Variants in PDE5A observed in about 807,000 individuals in gnomAD.
The protein encoded by PDE5A is phosphodiesterase 5A.
Under a neutral mutation model 110.2 loss-of-function variants are expected in PDE5A, and 67 were observed. That is an observed-to-expected ratio of 0.61 (90% confidence interval 0.50 to 0.75). The LOEUF (loss-of-function observed/expected upper bound fraction) is 0.75. Ranked by LOEUF, PDE5A falls within the 30% of genes least tolerant of loss-of-function variation. PDE5A has a pLI of 0.00. For missense variants in PDE5A, 862 were observed against 1,045.1 expected (o/e 0.82, Z 2.42); for synonymous variants, 328 against 351.2 (o/e 0.93, Z 0.74).
chr4:119,539,551 T>A (rs1726852437), intron 10 of PDE5A, among the ~76,000 whole-genome samples: 1 of 152,022 alleles, frequency 6.6e-6, no homozygotes, highest in South Asian at 2.1e-4. Flanking sequence ...GATTTAAGGA[T>A]CCCTTTACAC....
At chr4:119,581,256 G>T (rs952710844) in intron 3 of PDE5A, among the ~76,000 whole-genome samples, 2 of 151,896 alleles carry the variant, frequency 1.3e-5, no homozygotes, top group Non-Finnish European at 2.9e-5. Context: ...AGGCTGAATA[G>T]AATTTAAAAA....
At chr4:119,539,050 A>G (rs1182632808) in intron 10 of PDE5A, 31 bp from the exon 11 acceptor site, 3 of 1,512,786 alleles carry the variant, frequency 2.0e-6, no homozygotes, top group Non-Finnish European at 2.8e-6. Flanking sequence ...TCCAGGTTAC[A>G]CAGGAGAGAA....
intron 2 of PDE5A, among the ~76,000 whole-genome samples, chr4:119,600,751 A>G (rs1008751781): frequency 3.3e-5 from 5 of 152,204 alleles, no homozygotes; most frequent in Non-Finnish European, 7.3e-5. Flanking sequence ...TCTCTCTTAC[A>G]TTAGAATTTC....
chr4:119,548,044 A>ATTTTTTTTTTTTTTT (rs11438089), intron 9 of PDE5A, among the ~76,000 whole-genome samples: 2 of 94,802 alleles, frequency 2.1e-5, no homozygotes, highest in Admixed American at 1.5e-4. Context: ...TTCTCCGTGT[A>ATTTTTTTTTTTTTTT]TTTTTTTTTT....
chr4:119,621,062 G>T (rs761013684), intron 1 of PDE5A, among the ~76,000 whole-genome samples: 1 of 152,126 alleles, frequency 6.6e-6, no homozygotes, highest in Non-Finnish European at 1.5e-5. Context: ...CATTTTGTTC[G>T]TAATTAACTG....
intron 9 of PDE5A, chr4:119,549,756 A>G (rs1032651752): frequency 5.3e-5 from 8 of 152,230 alleles, no homozygotes; most frequent in Non-Finnish European, 7.4e-5. Context: ...TATTTCCTTA[A>G]AAGTACTGGA....
chr4:119,503,200 A>G lies in PDE5A; in HGVS notation c.2332-545T>C, dbSNP rs984564046. Among the ~76,000 whole-genome samples, 81 of 152,152 alleles carry G rather than the reference A, an allele frequency of 5.3e-4. 3 individuals carry two copies. The highest frequency in any genetic ancestry group is 2.5e-4 in the Non-Finnish European group (17 of 68,038). On this transcript the variant is annotated intron_variant, in intron 18 of 20. Transcript: ENST00000354960. ...GGAAGAGTTACTAGGCTCCCTGACTAAGCAGCCCGGAGTCTTGACCAACAG... is the reference window on the plus strand; with the variant it reads ...GGAAGAGTTACTAGGCTCCCTGACTGAGCAGCCCGGAGTCTTGACCAACAG...
At chr4:119,594,543 A>T (rs1729089642) in intron 3 of PDE5A, among the ~76,000 whole-genome samples, 1 of 152,204 alleles carries the variant, frequency 6.6e-6, no homozygotes, top group South Asian at 2.1e-4. Flanking sequence ...TGATGTCCCA[A>T]ATAATGCATG....
intron 9 of PDE5A, among the ~76,000 whole-genome samples, chr4:119,550,715 A>AG: frequency 6.6e-6 from 1 of 152,340 alleles, no homozygotes; most frequent in South Asian, 2.1e-4. Flanking sequence ...CTTACTAGTA[A>AG]ATAATGCATT....
chr4:119,594,024 C>T (rs1729069612), intron 3 of PDE5A, among the ~76,000 whole-genome samples: 2 of 152,166 alleles, frequency 1.3e-5, no homozygotes, highest in Non-Finnish European at 2.9e-5. Flanking sequence ...TCCACCTGGT[C>T]CCGCCCTTGA....
At chr4:119,534,332 T>A (rs200200092) in intron 11 of PDE5A, among the ~76,000 whole-genome samples, 1 of 42,402 alleles carries the variant, frequency 2.4e-5, no homozygotes, top group Non-Finnish European at 5.7e-5. Flanking sequence ...AATTACTGCC[T>A]GAGCTCTGCC....
At chr4:119,518,982 T>C (rs1578737528) in intron 14 of PDE5A, 63 bp downstream of exon 14, 1 of 1,199,614 alleles carries the variant, frequency 8.3e-7, no homozygotes, top group African/African-American at 1.5e-5. Context: ...TGGCTTTAAC[T>C]TAAAAAAAGA....
intron 3 of PDE5A, among the ~76,000 whole-genome samples, chr4:119,575,116 T>C (rs1728285448): frequency 6.6e-6 from 1 of 152,020 alleles, no homozygotes; most frequent in African/African-American, 2.4e-5. Flanking sequence ...TGAAATGAAG[T>C]GAGAAGAGAC....
At chr4:119,558,877 A>G (rs1727635736) in intron 7 of PDE5A, among the ~76,000 whole-genome samples, 1 of 138,678 alleles carries the variant, frequency 7.2e-6, no homozygotes, top group Admixed American at 8.1e-5. Flanking sequence ...AGATCCCGCC[A>G]CTGCACTCCA....
chr4:119,530,265 AT>A (rs967729908), intron 11 of PDE5A, among the ~76,000 whole-genome samples: 4 of 152,112 alleles, frequency 2.6e-5, no homozygotes, highest in Admixed American at 2.6e-4. Flanking sequence ...TGGGCTTTAA[AT>A]TTTTGGCTCA....
At chr4:119,554,249 CT>C (rs551460671) in intron 7 of PDE5A, among the ~76,000 whole-genome samples, 263 of 152,230 alleles carry the variant, frequency 1.7e-3, no homozygotes, top group African/African-American at 5.8e-3. Context: ...CTCCTTCTGT[CT>C]TTTTGTCGTG....
Position 119,584,807 on chromosome 4 carries a change from T to C in PDE5A, c.831+11716A>G, listed in dbSNP as rs370687299. ...TGGATGCTCAAACAGTGTAGCAAAG[T>C]AATAGACATATTCCCTCTGCTCTCA... On this transcript the variant is annotated intron_variant, in intron 3 of 20. Coordinates refer to ENST00000354960, the MANE Select transcript of PDE5A (RefSeq NM_001083.4). 8.5e-5 allele frequency among the ~76,000 whole-genome samples: 13 copies of C among 152,264 alleles called. No individual in the cohort carries two copies. The East Asian group carries it at 2.5e-3, about 29-fold the overall frequency.
At chr4:119,563,635 T>G (rs1357594064) in intron 5 of PDE5A, among the ~76,000 whole-genome samples, 2 of 152,148 alleles carry the variant, frequency 1.3e-5, no homozygotes, top group African/African-American at 4.8e-5. Flanking sequence ...AGTGGTATAC[T>G]GAAAGTTTTG....
intron 11 of PDE5A, among the ~76,000 whole-genome samples, chr4:119,530,942 T>C (rs1726510326): frequency 6.6e-6 from 1 of 152,138 alleles, no homozygotes; most frequent in African/African-American, 2.4e-5. Context: ...TCTTCTTTCA[T>C]CTGCACAACA....
Sources: gnomAD v4.1 joint callset for allele counts (sites outside exome capture counted in the v4.1 genomes callset) on GRCh38, gnomAD v4.1.1 for gene constraint, MANE v1.5 for transcripts, NCBI Gene and HGNC (gene_info 2026-07-23, HGNC 2026-07-21) for gene names.